Variants in PELI2 observed in about 807,000 individuals in gnomAD.
The protein encoded by PELI2 is E3 ubiquitin-protein ligase pellino homolog 2.
A neutral mutation model predicts 42.3 loss-of-function variants in PELI2; 23 were observed. The observed-to-expected ratio is 0.54, with a 90% CI of 0.39 to 0.77. The LOEUF (loss-of-function observed/expected upper bound fraction) is 0.77. PELI2 is among the 30% of genes least tolerant of loss of function. The probability of loss-of-function intolerance (pLI) is 0.00; values close to 1 mark genes in which losing one functional copy is unlikely to be tolerated. For synonymous variants in PELI2, 245 were observed against 212.2 expected (o/e 1.15, Z -1.34); for missense variants, 463 against 553.2 (o/e 0.84, Z 1.64).
intron 2 of PELI2, among the ~76,000 whole-genome samples, chr14:56,252,344 G>A (rs1888376549): frequency 1.3e-5 from 2 of 152,182 alleles, no homozygotes; most frequent in Non-Finnish European, 2.9e-5. Flanking sequence ...GTCTTACTGG[G>A]ACACCTGTTG....
intron 2 of PELI2, among the ~76,000 whole-genome samples, chr14:56,266,084 A>G (rs892370401): frequency 4.6e-5 from 7 of 152,050 alleles, no homozygotes; most frequent in Non-Finnish European, 7.4e-5. Context: ...AAAACAAACT[A>G]TACCTTTTTA....
chr14:56,261,473 G>A (rs984251419), intron 2 of PELI2, among the ~76,000 whole-genome samples: 2 of 152,024 alleles, frequency 1.3e-5, no homozygotes, highest in Non-Finnish European at 2.9e-5. Flanking sequence ...CAACTACATC[G>A]CTTTTCAAGG....
chr14:56,287,339 C>T (rs954796807), intron 3 of PELI2, among the ~76,000 whole-genome samples: 4 of 152,122 alleles, frequency 2.6e-5, no homozygotes, highest in Admixed American at 6.6e-5. Context: ...AATAAGTCTT[C>T]ATTACTTTTC....
At chr14:56,264,169 C>A (rs1192706881) in intron 2 of PELI2, among the ~76,000 whole-genome samples, 1 of 152,196 alleles carries the variant, frequency 6.6e-6, no homozygotes, top group Non-Finnish European at 1.5e-5. Flanking sequence ...GCTCTGCCTT[C>A]TTGCTTCAGT....
chr14:56,165,005 A>G (rs368385945), intron 1 of PELI2, among the ~76,000 whole-genome samples: 105 of 144,650 alleles, frequency 7.3e-4, no homozygotes, highest in African/African-American at 2.4e-3. Flanking sequence ...TGTTGTATTG[A>G]TCTTTTGTAT....
In PELI2 at chr14:56,126,591, C is replaced by A. The variant is rs916615050; in HGVS notation, c.77+7854C>A. Among the ~76,000 whole-genome samples, 5 of 152,256 alleles carry A rather than the reference C, an allele frequency of 3.3e-5. No individual in the cohort carries two copies. In the South Asian group the frequency reaches 1.0e-3, roughly 32 times the overall value. On this transcript the variant is annotated intron_variant, in intron 1 of 5. Coordinates refer to ENST00000267460, the MANE Select transcript of PELI2 (RefSeq NM_021255.3). ...AGGCTATTGGTATAAAACGGCTGAT[C>A]GTGATTACCAAGTGCCTCGGAGGAC...
intron 2 of PELI2, among the ~76,000 whole-genome samples, chr14:56,270,500 A>G (rs1889064969): frequency 6.6e-6 from 1 of 152,206 alleles, no homozygotes; most frequent in Admixed American, 6.5e-5. Context: ...GCCTAATTAT[A>G]CTTGTCAGCC....
chr14:56,288,349 A>C lies in PELI2; in HGVS notation c.310-88A>C. The C allele has an allele frequency of 1.0e-6, 1 of 958,946 alleles. No individual in the cohort carries two copies. The highest frequency in any genetic ancestry group is 2.6e-5 in the East Asian group (1 of 38,716). 59.4% of individuals were successfully genotyped at this position (958,946 alleles called of 1,614,324 possible). A position where few individuals can be genotyped will look rare whatever the true frequency, so the allele number is the denominator to read the frequency against. On this transcript the variant is annotated intron_variant, in intron 3 of 5. Transcript: ENST00000267460. This position sits in a 1 kb window ranked among gnomAD's most constrained non-coding sequence, Gnocchi z 4.6. ...CTCAGAACAAGGATAGTGAATGTTA[A>C]AGGAATCCTGAATGCTTTTTCCTTG...
At chr14:56,258,348 A>G (rs1274640077) in intron 2 of PELI2, among the ~76,000 whole-genome samples, 1 of 152,052 alleles carries the variant, frequency 6.6e-6, no homozygotes, top group Non-Finnish European at 1.5e-5. Flanking sequence ...ATTACCAGAA[A>G]CTCATGGAAG....
Position 56,118,523 on chromosome 14 carries a change from G to A in PELI2, c.-138G>A. 1 of 440,334 alleles carries A rather than the reference G, an allele frequency of 2.3e-6. No individual in the cohort carries two copies. Among genetic ancestry groups the A allele is most frequent in the Non-Finnish European group, 3.7e-6 (1 of 269,514 alleles). 27.3% of individuals were successfully genotyped at this position (440,334 alleles called of 1,614,324 possible). ...GCAGCAGCGGGACTGGCCGCCCCGC[G>A]CCCCCTTCGCCGCCGTGCCCTTCCC... On this transcript the variant is annotated 5_prime_UTR_variant, in exon 1 of 6. Coordinates refer to ENST00000267460, the MANE Select transcript of PELI2 (RefSeq NM_021255.3).
Position 56,288,371 on chromosome 14 carries a change from C to A in PELI2, c.310-66C>A. 8.0e-7 allele frequency: 1 copy of A among 1,242,496 alleles called. No individual in the cohort carries two copies. Among genetic ancestry groups the A allele is most frequent in the South Asian group, 1.3e-5 (1 of 77,594 alleles). 77.0% of individuals were successfully genotyped at this position (1,242,496 alleles called of 1,614,324 possible). A position where few individuals can be genotyped will look rare whatever the true frequency, so the allele number is the denominator to read the frequency against. ...TTAAAGGAATCCTGAATGCTTTTTC[C>A]TTGTGAATAAAATACGGCACCCTGC... On this transcript the variant is annotated intron_variant, in intron 3 of 5. Transcript: ENST00000267460. This position sits in a 1 kb window ranked among gnomAD's most constrained non-coding sequence, Gnocchi z 4.6.
chr14:56,235,299 A>G (rs1246414732), intron 2 of PELI2, among the ~76,000 whole-genome samples: 1 of 152,236 alleles, frequency 6.6e-6, no homozygotes, highest in African/African-American at 2.4e-5. Flanking sequence ...AAGAAAAAAG[A>G]TTATTATAAC....
chr14:56,213,617 G>T (rs968164565), intron 2 of PELI2, among the ~76,000 whole-genome samples: 10 of 152,206 alleles, frequency 6.6e-5, no homozygotes, highest in African/African-American at 2.2e-4. Context: ...GGTGGTGGTG[G>T]TGTTTTAGGA....
chr14:56,170,707 A>G (rs1885134285), intron 1 of PELI2, among the ~76,000 whole-genome samples: 1 of 152,218 alleles, frequency 6.6e-6, no homozygotes, highest in East Asian at 1.9e-4. Context: ...GTGAATTAAT[A>G]TATGAACTCT....
intron 2 of PELI2, among the ~76,000 whole-genome samples, chr14:56,248,223 C>T (rs1888226953): frequency 6.6e-6 from 1 of 152,160 alleles, no homozygotes; most frequent in African/African-American, 2.4e-5. Flanking sequence ...TGCTATTATG[C>T]AACGAACATG....
intron 2 of PELI2, among the ~76,000 whole-genome samples, chr14:56,268,869 C>T (rs535601563): frequency 3.3e-5 from 5 of 152,174 alleles, no homozygotes; most frequent in Non-Finnish European, 7.4e-5. Context: ...ACCCCTGCTG[C>T]ATCGTCTCAT....
chr14:56,238,369 T>G lies in PELI2; in HGVS notation c.208-41307T>G, dbSNP rs531156008. 1.4e-3 allele frequency among the ~76,000 whole-genome samples: 213 copies of G among 152,348 alleles called. 1 individual carries two copies. Among genetic ancestry groups the G allele is most frequent in the African/African-American group, 5.0e-3 (206 of 41,582 alleles). ...AATTGCTGTTTCGTATTAACTGCAT[T>G]AATTAGCATTCCTGCTGATTTCAGT... On this transcript the variant is annotated intron_variant, in intron 2 of 5. Coordinates refer to ENST00000267460, the MANE Select transcript of PELI2 (RefSeq NM_021255.3).
At chr14:56,127,856 A>T (rs1240432246) in intron 1 of PELI2, among the ~76,000 whole-genome samples, 5 of 152,232 alleles carry the variant, frequency 3.3e-5, no homozygotes, top group Non-Finnish European at 5.9e-5. Context: ...TTCAAAATTG[A>T]TCAACTGAGT....
chr14:56,197,965 T>G lies in PELI2; in HGVS notation c.207+19501T>G, dbSNP rs1594630459. Among the ~76,000 whole-genome samples the G allele has an allele frequency of 8.9e-6, 1 of 112,274 alleles. No homozygotes were observed. Among genetic ancestry groups the G allele is most frequent in the Non-Finnish European group, 1.7e-5 (1 of 57,872 alleles). 73.7% of individuals were successfully genotyped at this position (112,274 alleles called of 152,430 possible). A position where few individuals can be genotyped will look rare whatever the true frequency, so the allele number is the denominator to read the frequency against. On this transcript the variant is annotated intron_variant, in intron 2 of 5. Transcript: ENST00000267460. This position sits in a 1 kb window ranked among gnomAD's most constrained non-coding sequence, Gnocchi z 4.9. ...CACACACACCAGGGATCATGACTGG[T>G]GAAGACACACACACACACACACACA...
Sources: allele counts gnomAD v4.1 joint callset (sites outside exome capture counted in the v4.1 genomes callset), GRCh38; gene constraint gnomAD v4.1.1; non-coding constraint Gnocchi (gnomAD v3.1); transcripts MANE v1.5; gene names NCBI Gene and HGNC (gene_info 2026-07-23, HGNC 2026-07-21).